Variants in ANK2 observed in about 807,000 individuals in gnomAD.
ANK2 encodes the protein ankyrin-2.
A neutral mutation model predicts 360.5 loss-of-function variants in ANK2; 83 were observed. The observed-to-expected ratio is 0.23, with a 90% CI of 0.19 to 0.28. The LOEUF (loss-of-function observed/expected upper bound fraction) is 0.28, where lower values mean the gene tolerates loss of function less well. Ranked by LOEUF, ANK2 falls within the 10% of genes least tolerant of loss-of-function variation. The pLI, the probability that ANK2 is intolerant of heterozygous loss-of-function variation, is 1.00. For missense variants in ANK2, 4,201 were observed against 4,795.7 expected, an observed-to-expected ratio of 0.88 and a Z score of 3.66; for synonymous variants, 1,740 against 1,759.5, an observed-to-expected ratio of 0.99 and a Z score of 0.28.
At chr4:112,772,146 G>A in the ANK2 span, among the ~76,000 whole-genome samples, 1 of 152,162 alleles carries the variant, frequency 6.6e-6, no homozygotes, top group African/African-American at 2.4e-5. Context: ...CCGAGACTGG[G>A]TAATTTATAA....
chr4:112,860,389 G>A (rs2067621634), intron 1 of ANK2, among the ~76,000 whole-genome samples: 1 of 151,986 alleles, frequency 6.6e-6, no homozygotes. Flanking sequence ...ACCATGCCAG[G>A]CTAATTTTTG....
In ANK2 at chr4:113,186,587, T is replaced by TCTCTCTCTCTC. The variant is rs370477795; in HGVS notation, c.187-9781_187-9780insCTCTCTCTCTC. 3.0e-4 allele frequency among the ~76,000 whole-genome samples: 14 copies of TCTCTCTCTCTC among 46,892 alleles called. 3 individuals are homozygous for TCTCTCTCTCTC. Among genetic ancestry groups the TCTCTCTCTCTC allele is most frequent in the African/African-American group, 1.5e-3 (10 of 6,896 alleles). 30.8% of individuals were successfully genotyped at this position (46,892 alleles called of 152,430 possible). A position where few individuals can be genotyped will look rare whatever the true frequency, so the allele number is the denominator to read the frequency against. On this transcript the variant is annotated intron_variant, in intron 2 of 45. Coordinates refer to ENST00000357077, the MANE Select transcript of ANK2 (RefSeq NM_001148.6). ...CTCTCTCTCTCTCTCTCTCTCTCTCTTCTCTCTCTCTCTCTCTCTCCCTCA... is the reference window on the plus strand; with the variant it reads ...CTCTCTCTCTCTCTCTCTCTCTCTCTCTCTCTCTCTCTCTCTCTCTCTCTCTCTCTCCCTCA...
chr4:112,826,760 G>T, intron 1 of ANK2: 1 of 924,388 alleles, frequency 1.1e-6, no homozygotes, highest in Non-Finnish European at 1.7e-6. Context: ...CTGTTCTAAA[G>T]CAAATTACTC....
At chr4:112,998,139 G>A (rs923657989) in intron 2 of ANK2, among the ~76,000 whole-genome samples, 1 of 152,002 alleles carries the variant, frequency 6.6e-6, no homozygotes, top group African/African-American at 2.4e-5. Context: ...CCAACACACT[G>A]TGAGTTTTTC....
At chr4:112,760,992 A>G in the ANK2 span, among the ~76,000 whole-genome samples, 1 of 151,660 alleles carries the variant, frequency 6.6e-6, no homozygotes, top group Admixed American at 6.6e-5. Context: ...TTTTATTAGT[A>G]GAGACAGGGT....
chr4:112,799,911 C>T, the ANK2 span, among the ~76,000 whole-genome samples: 1 of 148,970 alleles, frequency 6.7e-6, no homozygotes, highest in African/African-American at 2.5e-5. Flanking sequence ...ATATACAACA[C>T]ATAACCTGTC....
chr4:112,788,168 C>G, the ANK2 span: 1 of 1,583,832 alleles, frequency 6.3e-7, no homozygotes, highest in Non-Finnish European at 8.6e-7. Context: ...CAGGATGTTG[C>G]CACCCCAGTG....
At chr4:113,376,128 G>A (rs781459794) in intron 45 of ANK2, among the ~76,000 whole-genome samples, 8 of 152,166 alleles carry the variant, frequency 5.3e-5, no homozygotes, top group Non-Finnish European at 8.8e-5. Flanking sequence ...GCATAAGTGG[G>A]TTTTAATGAC....
At chr4:113,138,354 AC>A (rs1300313958) in intron 1 of ANK2, among the ~76,000 whole-genome samples, 3 of 152,200 alleles carry the variant, frequency 2.0e-5, no homozygotes, top group East Asian at 3.8e-4. Flanking sequence ...ACCATATTTT[AC>A]AGTAACTCTC....
chr4:113,028,276 G>C (rs1467573134), intron 2 of ANK2, among the ~76,000 whole-genome samples: 4 of 152,024 alleles, frequency 2.6e-5, no homozygotes, highest in African/African-American at 9.7e-5. Flanking sequence ...ACCTGGGGGA[G>C]GTGTAGAAGG....
chr4:112,713,592 G>C, the ANK2 span, among the ~76,000 whole-genome samples: 14 of 152,082 alleles, frequency 9.2e-5, no homozygotes, highest in East Asian at 1.5e-3. Flanking sequence ...AATTGGTATG[G>C]ATTTTTTGTG....
At position 113,355,446 on chromosome 4, in the gene ANK2, A is replaced by G; in HGVS notation, c.6828A>G (p.Glu2276=). 1 of 1,613,986 alleles carries G rather than the reference A, an allele frequency of 6.2e-7. No homozygotes were observed. The highest frequency in any genetic ancestry group is 8.5e-7 in the Non-Finnish European group (1 of 1,179,984). ...AAACCACCACAGAAATTCGTTCAGA[A>G]AAAGAGCATCCCACGACCAAAGACA... The part of the protein sequence containing the change: ...KTETTTEIRS[E]KEHPTTKDIT... Residue 2276 remains glutamate, a synonymous_variant, in exon 38 of 46, where the codon GAA becomes GAG. Transcript: ENST00000357077.
intron 1 of ANK2, among the ~76,000 whole-genome samples, chr4:113,118,664 C>T (rs1338932057): frequency 6.6e-6 from 1 of 152,050 alleles, no homozygotes; most frequent in East Asian, 1.9e-4. Context: ...TTTAAAAGGC[C>T]GTGTTGTTTC....
At chr4:112,761,667 G>C in the ANK2 span, among the ~76,000 whole-genome samples, 2 of 152,006 alleles carry the variant, frequency 1.3e-5, no homozygotes, top group Non-Finnish European at 2.9e-5. Context: ...AGTTCTCTTC[G>C]AAGTTAAGTG....
At chr4:113,319,265 C>T (rs967941404) in intron 26 of ANK2, among the ~76,000 whole-genome samples, 2 of 151,966 alleles carry the variant, frequency 1.3e-5, no homozygotes, top group East Asian at 3.8e-4. Context: ...TTCAAACATA[C>T]TTAAAGTTGT....
At chr4:113,269,870 T>G (rs536027807) in intron 14 of ANK2, among the ~76,000 whole-genome samples, 14 of 152,374 alleles carry the variant, frequency 9.2e-5, no homozygotes, top group Non-Finnish European at 1.8e-4. Context: ...GTTCCACAGA[T>G]CTTCATGCAG....
At chr4:113,167,780 C>T (rs751065617) in intron 1 of ANK2, among the ~76,000 whole-genome samples, 6 of 152,044 alleles carry the variant, frequency 3.9e-5, no homozygotes, top group Non-Finnish European at 7.4e-5. Flanking sequence ...TGATTGTTTC[C>T]GAAACTACTA....
At chr4:113,249,940 T>G in intron 10 of ANK2, 78 bp downstream of exon 10, 1 of 1,332,270 alleles carries the variant, frequency 7.5e-7, no homozygotes, top group Non-Finnish European at 1.1e-6. Flanking sequence ...TTTTTTAAAT[T>G]GAAACATCAG....
the ANK2 span, among the ~76,000 whole-genome samples, chr4:112,750,350 G>C: frequency 2.8e-4 from 43 of 152,110 alleles, no homozygotes; most frequent in Non-Finnish European, 7.4e-5. Context: ...GACAGAGTGA[G>C]AGCCTGTCTC....
Sources: gnomAD v4.1 joint callset for allele counts (sites outside exome capture counted in the v4.1 genomes callset) on GRCh38, gnomAD v4.1.1 for gene constraint, MANE v1.5 for transcripts, NCBI Gene and HGNC (gene_info 2026-07-23, HGNC 2026-07-21) for gene names.